The following ADRA1D variants were observed in gnomAD, a reference collection of about 807,000 sequenced individuals.
ADRA1D encodes adrenoceptor alpha 1D.
Under a neutral mutation model 18.6 loss-of-function variants are expected in ADRA1D, and 22 were observed. The observed-to-expected ratio is 1.19, with a 90% CI of 0.85 to 1.69. The LOEUF is 1.69. Ranked by LOEUF, ADRA1D falls within the 40% of genes most tolerant of loss-of-function variation. The pLI, the probability that ADRA1D is intolerant of heterozygous loss-of-function variation, is 0.00. For missense variants in ADRA1D, 840 were observed against 840.7 expected, an observed-to-expected ratio of 1.00 and a Z score of 0.01; for synonymous variants, 376 against 388.2, an observed-to-expected ratio of 0.97 and a Z score of 0.37.
At chr20:4,231,109 CTCTCTT>C in intron 1 of ADRA1D, among the ~76,000 whole-genome samples, 1 of 97,702 alleles carries the variant, frequency 1.0e-5, no homozygotes, top group Non-Finnish European at 2.1e-5. Context: ...TTCTTTCTTT[CTCTCTT>C]TCTGTTTTTA....
At chr20:4,246,379 G>T (rs1242679768) in intron 1 of ADRA1D, among the ~76,000 whole-genome samples, 1 of 152,226 alleles carries the variant, frequency 6.6e-6, no homozygotes, top group Non-Finnish European at 1.5e-5. Flanking sequence ...TCCCTCTGAA[G>T]AGGGAACATT....
intron 1 of ADRA1D, among the ~76,000 whole-genome samples, chr20:4,228,470 G>A (rs1373588160): frequency 6.6e-6 from 1 of 152,240 alleles, no homozygotes; most frequent in African/African-American, 2.4e-5. Flanking sequence ...TGGATGAGGT[G>A]CAAGGTGTGA....
chr20:4,236,287 G>A (rs1295050597), intron 1 of ADRA1D, among the ~76,000 whole-genome samples: 3 of 152,176 alleles, frequency 2.0e-5, no homozygotes. Flanking sequence ...CTACCTCATA[G>A]GACTGTTAGG....
At position 4,221,795 on chromosome 20, in the gene ADRA1D, GAGCCT is replaced by G. The variant is rs1980673862; in HGVS notation, c.1442_1446del (p.Gln481ProfsTer106). ...GGTGGCTTTCGACGGCTGGCGACCGGAGCCTGCATCTCGGGCGTGCCTGGGGGTTC... is the reference window on the plus strand; with the variant it reads ...GGTGGCTTTCGACGGCTGGCGACCGGGCATCTCGGGCGTGCCTGGGGGTTC... On this transcript the variant is annotated frameshift_variant, in exon 2 of 2. Transcript: ENST00000379453. LOFTEE classifies it low-confidence loss of function (END_TRUNC). 6.4e-7 allele frequency: 1 copy of G among 1,567,850 alleles called. No individual in the cohort carries two copies. Among genetic ancestry groups the G allele is most frequent in the Non-Finnish European group, 8.6e-7 (1 of 1,161,560 alleles).
chr20:4,224,993 GTTT>G (rs562415272), intron 1 of ADRA1D, among the ~76,000 whole-genome samples: 6 of 120,054 alleles, frequency 5.0e-5, no homozygotes, highest in Non-Finnish European at 1.0e-4. Context: ...GGCCATCTAA[GTTT>G]TTTTTTTTTT....
Position 4,248,541 on chromosome 20 carries a change from G to A in ADRA1D, c.417C>T (p.Ala139=). ...TGGCGCTCAGCAGCAGGTCGGCCAC[G>A]GCCAGGTTCACGATGAAATAGTTGG... ...TVTNYFIVNL[A]VADLLLSATV... Residue 139 remains alanine, a synonymous_variant, in exon 1 of 2, where the codon GCC becomes GCT. Coordinates refer to ENST00000379453, the MANE Select transcript of ADRA1D (RefSeq NM_000678.4). 6.2e-7 allele frequency: 1 copy of A among 1,613,894 alleles called. No homozygotes were observed. Among genetic ancestry groups the A allele is most frequent in the South Asian group, 1.1e-5 (1 of 91,046 alleles).
intron 1 of ADRA1D, among the ~76,000 whole-genome samples, chr20:4,246,502 C>G (rs577201866): frequency 6.6e-6 from 1 of 152,172 alleles, no homozygotes; most frequent in Admixed American, 6.5e-5. Context: ...CAGCAAGAAA[C>G]CAGAAAGGGT....
intron 1 of ADRA1D, among the ~76,000 whole-genome samples, chr20:4,227,704 C>CTCCTTCCCT (rs1555820748): frequency 2.2e-5 from 2 of 92,616 alleles, no homozygotes; most frequent in Admixed American, 1.1e-4. Flanking sequence ...CCCTCCCTCC[C>CTCCTTCCCT]TCCTTCCTTC....
In ADRA1D at chr20:4,222,325, C is replaced by T. The variant is rs751341149; in HGVS notation, c.1112-195G>A. 7.2e-6 allele frequency: 5 copies of T among 692,032 alleles called. No homozygotes were observed. The highest frequency in any genetic ancestry group is 1.1e-5 in the Non-Finnish European group (5 of 463,390). The allele number at this position is 692,032 out of a possible 1,614,324, so 42.9% of individuals were successfully genotyped here. On this transcript the variant is annotated intron_variant, in intron 1 of 1. Coordinates refer to ENST00000379453, the MANE Select transcript of ADRA1D (RefSeq NM_000678.4). This position sits in a 1 kb window ranked among gnomAD's most constrained non-coding sequence, Gnocchi z 4.3. Reference sequence around the variant, plus strand: ...TAATAATTGTTTTCACTCACCTCTACCTGATATTGAGGATTACCTTCAATG... The same window carrying T: ...TAATAATTGTTTTCACTCACCTCTATCTGATATTGAGGATTACCTTCAATG...
At chr20:4,225,046 G>A (rs184738810) in intron 1 of ADRA1D, among the ~76,000 whole-genome samples, 1 of 144,612 alleles carries the variant, frequency 6.9e-6, no homozygotes, top group African/African-American at 2.5e-5. Context: ...CTGTCACCCA[G>A]GCTGGAGTGC....
chr20:4,248,103 C>A lies in ADRA1D; in HGVS notation c.855G>T (p.Thr285=). 6.4e-7 allele frequency: 1 copy of A among 1,557,298 alleles called. No individual in the cohort carries two copies. Among genetic ancestry groups the A allele is most frequent in the Non-Finnish European group, 8.7e-7 (1 of 1,150,766 alleles). Residue 285 remains threonine (T), a synonymous_variant, in exon 1 of 2, where the codon ACG becomes ACT. Coordinates refer to ENST00000379453, the MANE Select transcript of ADRA1D (RefSeq NM_000678.4). ...CRVYVVARST[T]RSLEAGVKRE... ...GCTTGACGCCCGCCTCGAGGCTGCG[C>A]GTGGTGCTGCGCGCGACCACGTACA...
intron 1 of ADRA1D, among the ~76,000 whole-genome samples, chr20:4,244,167 C>T (rs936852425): frequency 2.0e-5 from 3 of 152,220 alleles, no homozygotes; most frequent in Non-Finnish European, 4.4e-5. Flanking sequence ...CTGCTGCTAC[C>T]ACCTGGCTTT....
At position 4,248,410 on chromosome 20, in the gene ADRA1D, G is replaced by C. The variant is rs1321117940; in HGVS notation, c.548C>G (p.Ser183Cys). 6.2e-7 allele frequency: 1 copy of C among 1,610,342 alleles called. No individual in the cohort carries two copies. Residue 183 changes from serine to cysteine, a missense_variant, in exon 1 of 2, where the codon TCC (serine) becomes TGC (cysteine). Ser to Cys is a moderately radical substitution (Grantham distance 112). Transcript: ENST00000379453. Reference protein sequence around the residue: ...AAVDVLCCTASILSLCTISVD... With the variant: ...AAVDVLCCTACILSLCTISVD... Reference sequence around the variant, plus strand: ...GGAGATGGTGCAGAGGCTGAGGATGGAGGCCGTGCAGCACAGCACGTCCAC... The same window carrying C: ...GGAGATGGTGCAGAGGCTGAGGATGCAGGCCGTGCAGCACAGCACGTCCAC...
intron 1 of ADRA1D, among the ~76,000 whole-genome samples, chr20:4,226,563 C>T (rs140157301): frequency 3.7e-4 from 57 of 152,336 alleles, no homozygotes; most frequent in Non-Finnish European, 7.2e-4. Context: ...GGTATTTATA[C>T]GCCCATTCCC....
chr20:4,248,963 C>A lies in ADRA1D; in HGVS notation c.-6G>T. The A allele has an allele frequency of 7.4e-7, 1 of 1,351,250 alleles. No homozygotes were observed. The highest frequency in any genetic ancestry group is 2.7e-4 in the Middle Eastern group (1 of 3,700). The allele number at this position is 1,351,250 out of a possible 1,614,324, so 83.7% of individuals were successfully genotyped here. ...AGGAGATCGCGGAAAGTCATCTCAA[C>A]GCGCGGCCGTCGGTGGCCGGGCCGG... is the stretch of plus-strand genomic sequence containing the variant. On this transcript the variant is annotated 5_prime_UTR_variant, in exon 1 of 2. Transcript: ENST00000379453.
intron 1 of ADRA1D, among the ~76,000 whole-genome samples, chr20:4,236,871 C>T (rs1007733316): frequency 6.6e-6 from 1 of 152,086 alleles, no homozygotes; most frequent in Non-Finnish European, 1.5e-5. Flanking sequence ...TGGAAGGGGC[C>T]GGGGAGAGAA....
intron 1 of ADRA1D, among the ~76,000 whole-genome samples, chr20:4,245,393 A>G (rs567697311): frequency 2.4e-4 from 37 of 152,336 alleles, no homozygotes; most frequent in African/African-American, 7.5e-4. Flanking sequence ...GAGTATGAAC[A>G]TCTGTATAAG....
Position 4,247,863 on chromosome 20 carries a change from G to C in ADRA1D, c.1095C>G (p.Phe365Leu). Residue 365 changes from phenylalanine to leucine, a missense_variant, in exon 1 of 2, where the codon TTC becomes TTG. Transcript: ENST00000379453. ...GTCACTCACCGAGCGGCAGGACAAAGAAGAAAGGGAACCAGCAGAGCACGA... is the reference window on the plus strand; with the variant it reads ...GTCACTCACCGAGCGGCAGGACAAACAAGAAAGGGAACCAGCAGAGCACGA... ...GVFVLCWFPF[F>L]FVLPLGSLFP... The C allele has an allele frequency of 1.3e-6, 2 of 1,565,232 alleles. No individual in the cohort carries two copies. Among genetic ancestry groups the C allele is most frequent in the East Asian group, 4.6e-5 (2 of 43,050 alleles).
Position 4,248,571 on chromosome 20 carries a change from G to C in ADRA1D, c.387C>G (p.Thr129=), listed in dbSNP as rs3803964. The C allele has an allele frequency of 3.7e-6, 6 of 1,613,796 alleles. No homozygotes were observed. The highest frequency in any genetic ancestry group is 1.7e-5 in the Admixed American group (1 of 60,012). The part of the protein sequence containing the change: ...LSVACNRHLQ[T]VTNYFIVNLA... ...GGTTCACGATGAAATAGTTGGTGACGGTCTGCAGGTGGCGGTTGCAGGCCA... is the reference window on the plus strand; with the variant it reads ...GGTTCACGATGAAATAGTTGGTGACCGTCTGCAGGTGGCGGTTGCAGGCCA... The change falls in exon 1 of 2, where the codon ACC becomes ACG. Residue 129 remains threonine, a synonymous_variant. Transcript: ENST00000379453.
Sources: allele counts gnomAD v4.1 joint callset (sites outside exome capture counted in the v4.1 genomes callset), GRCh38; gene constraint gnomAD v4.1.1; non-coding constraint Gnocchi (gnomAD v3.1); transcripts MANE v1.5; gene names NCBI Gene and HGNC (gene_info 2026-07-23, HGNC 2026-07-21).